TOM1L2: variants seen among roughly 807,000 people sequenced by gnomAD.
The protein encoded by TOM1L2 is target of myb1 like 2 membrane trafficking protein.
Under a neutral mutation model 67.9 loss-of-function variants are expected in TOM1L2, and 31 were observed. That is an observed-to-expected ratio of 0.46 (90% CI 0.34 to 0.62). The LOEUF (loss-of-function observed/expected upper bound fraction) is 0.62, where lower values mean the gene tolerates loss of function less well. Ranked by LOEUF, TOM1L2 falls within the 20% of genes least tolerant of loss-of-function variation. The pLI is 0.01. For synonymous variants in TOM1L2, 256 were observed against 254.0 expected, an observed-to-expected ratio of 1.01 and a Z score of -0.07; for missense variants, 606 against 663.5, an observed-to-expected ratio of 0.91 and a Z score of 0.95.
At chr17:17,884,030 T>C (rs370051264) in intron 5 of TOM1L2, among the ~76,000 whole-genome samples, 5 of 152,172 alleles carry the variant, frequency 3.3e-5, no homozygotes, top group African/African-American at 1.2e-4. Context: ...AACCCTGAAG[T>C]GCCAAGCTGC....
intron 12 of TOM1L2, chr17:17,857,954 G>A (rs1227600930): frequency 1.7e-5 from 18 of 1,081,870 alleles, no homozygotes; most frequent in Admixed American, 8.1e-5. Flanking sequence ...CCTTTGCCAC[G>A]TAAGGAAATG....
chr17:17,910,476 G>A (rs1454417925), intron 1 of TOM1L2, among the ~76,000 whole-genome samples: 2 of 152,164 alleles, frequency 1.3e-5, no homozygotes, highest in Non-Finnish European at 2.9e-5. Flanking sequence ...ACCACCTGGG[G>A]AGCTTCTAGA....
intron 1 of TOM1L2, among the ~76,000 whole-genome samples, chr17:17,907,805 TA>T (rs1366143501): frequency 6.6e-6 from 1 of 152,142 alleles, no homozygotes; most frequent in Non-Finnish European, 1.5e-5. Context: ...AACATGAGGA[TA>T]TTAGGTTTAT....
rs144061121 is a variant in TOM1L2, at chr17:17,862,833, C to T, written c.1100G>A (p.Ser367Asn). 15 of 1,614,096 alleles carry T rather than the reference C, an allele frequency of 9.3e-6. No individual in the cohort carries two copies. Among genetic ancestry groups the T allele is most frequent in the African/African-American group, 1.3e-5 (1 of 75,034 alleles). ...GAGTGAACTGAGGGTGCCACTGACG[C>T]TCTCTGTCCCCAAGTCTGTGGCAAC... ...QLAGLDLGTE[S>N]VSGTLSSLQQ... Residue 367 changes from serine to asparagine, a missense_variant, in exon 11 of 15, where the codon AGC (serine) becomes AAC (asparagine). Transcript: ENST00000379504.
At chr17:17,882,594 T>A in intron 6 of TOM1L2, 111 bp downstream of exon 6, 1 of 1,420,688 alleles carries the variant, frequency 7.0e-7, no homozygotes, top group East Asian at 2.3e-5. Context: ...CATCTCTGTG[T>A]CCCTAACACC....
intron 1 of TOM1L2, among the ~76,000 whole-genome samples, chr17:17,923,639 G>A (rs1408899649): frequency 3.3e-5 from 5 of 151,934 alleles, no homozygotes; most frequent in African/African-American, 1.2e-4. Context: ...ACAGTGAGTC[G>A]TGATCGCACC....
chr17:17,892,852 T>TA (rs1323933516), intron 4 of TOM1L2, among the ~76,000 whole-genome samples: 2 of 152,110 alleles, frequency 1.3e-5, no homozygotes, highest in African/African-American at 4.8e-5. Flanking sequence ...CACATGGTGA[T>TA]AAACTCAGGT....
intron 13 of TOM1L2, 145 bp downstream of exon 13, chr17:17,850,748 G>T: frequency 1.2e-6 from 1 of 825,922 alleles, no homozygotes. Flanking sequence ...GGGGAGGAGG[G>T]GCAGCTATGG....
Position 17,907,455 on chromosome 17 carries a change from C to T in TOM1L2, c.129G>A (p.Thr43=), listed in dbSNP as rs201316492. The T allele has an allele frequency of 4.4e-5, 71 of 1,613,878 alleles. No individual in the cohort carries two copies. Among genetic ancestry groups the T allele is most frequent in the South Asian group, 2.0e-4 (18 of 91,066 alleles). ...NMEICDIINE[T]EEGPKDAIRA... is the part of the protein sequence containing the mutation. ...GAGGGGGGCACACGTACCCTTCCTC[C>T]GTCTCATTGATGATGTCACAGATCT... is the stretch of plus-strand genomic sequence containing the variant. Residue 43 remains threonine, a synonymous_variant, in exon 2 of 15, where the codon ACG becomes ACA. Transcript: ENST00000379504.
At chr17:17,960,943 G>A (rs1175711745) in intron 1 of TOM1L2, among the ~76,000 whole-genome samples, 1 of 152,056 alleles carries the variant, frequency 6.6e-6, no homozygotes, top group Non-Finnish European at 1.5e-5. Context: ...TAGAGAAACT[G>A]GACTTAAAAC....
At chr17:17,851,988 TG>T (rs1342390431) in intron 12 of TOM1L2, among the ~76,000 whole-genome samples, 2 of 152,208 alleles carry the variant, frequency 1.3e-5, no homozygotes, top group African/African-American at 4.8e-5. Context: ...GCCATGTTAA[TG>T]GAATGTTGGC....
intron 4 of TOM1L2, among the ~76,000 whole-genome samples, chr17:17,889,682 T>G (rs1378931540): frequency 2.0e-5 from 3 of 152,192 alleles, no homozygotes; most frequent in Non-Finnish European, 4.4e-5. Context: ...TTCGATCTAC[T>G]TTTCCATAAT....
chr17:17,907,529 T>C lies in TOM1L2; in HGVS notation c.55A>G (p.Lys19Glu). 1.9e-6 allele frequency: 3 copies of C among 1,613,784 alleles called. No homozygotes were observed. Among genetic ancestry groups the C allele is most frequent in the East Asian group, 2.2e-5 (1 of 44,886 alleles). Reference sequence around the variant, plus strand: ...CTTTGCAGGGAGCCATCTGTTGCCTTTTCTGTGAAATCAGAGAGAAAATGG... The same window carrying C: ...CTTTGCAGGGAGCCATCTGTTGCCTCTTCTGTGAAATCAGAGAGAAAATGG... ...FSTPVGQCLE[K>E]ATDGSLQSED... is the part of the protein sequence containing the mutation. Residue 19 changes from lysine (K) to glutamate (E), a missense_variant and splice_region_variant, in exon 2 of 15, where the codon AAG becomes GAG. Lys to Glu is a moderately conservative substitution (Grantham distance 56). Coordinates refer to ENST00000379504, the MANE Select transcript of TOM1L2 (RefSeq NM_001082968.2).
At chr17:17,886,239 T>G (rs904626695) in intron 4 of TOM1L2, among the ~76,000 whole-genome samples, 4 of 152,254 alleles carry the variant, frequency 2.6e-5, no homozygotes, top group Non-Finnish European at 4.4e-5. Context: ...TCCTTAATTA[T>G]GACTGATGCA....
intron 1 of TOM1L2, among the ~76,000 whole-genome samples, chr17:17,919,910 C>G (rs1006817794): frequency 6.6e-6 from 1 of 152,150 alleles, no homozygotes; most frequent in South Asian, 2.1e-4. Context: ...GAAAATGAAG[C>G]CTGGTGGGGT....
chr17:17,927,705 C>T (rs538083740), intron 1 of TOM1L2, among the ~76,000 whole-genome samples: 7 of 149,938 alleles, frequency 4.7e-5, no homozygotes, highest in Admixed American at 4.0e-4. Flanking sequence ...CTCAGTCACT[C>T]AGGCTGGGAA....
intron 1 of TOM1L2, among the ~76,000 whole-genome samples, chr17:17,960,696 G>A (rs1341175608): frequency 6.6e-6 from 1 of 152,084 alleles, no homozygotes; most frequent in Non-Finnish European, 1.5e-5. Flanking sequence ...TGACAGGCCT[G>A]GGTGACACAG....
rs755236976 is a variant in TOM1L2 at position 17,848,874 on chromosome 17, G to T, written c.1339-15C>A. ...TCATCACCCTTCTGTGGGAGGAGCA[G>T]AGAAAATGAAATTAGGGCACTGGTC... On this transcript the variant is annotated splice_polypyrimidine_tract_variant and intron_variant, in intron 13 of 14. Transcript: ENST00000379504. 6 of 1,614,052 alleles carry T rather than the reference G, an allele frequency of 3.7e-6. No homozygotes were observed. In the African/African-American group the frequency reaches 8.0e-5, roughly 22 times the overall value.
In TOM1L2 at chr17:17,847,759, C is replaced by G; in HGVS notation, c.1400G>C (p.Arg467Thr). The G allele has an allele frequency of 5.0e-6, 8 of 1,614,074 alleles. No individual in the cohort carries two copies. Among genetic ancestry groups the G allele is most frequent in the Non-Finnish European group, 6.8e-6 (8 of 1,180,004 alleles). The change falls in exon 15 of 15, where the codon AGA (arginine) becomes ACA (threonine). Residue 467 changes from arginine (R) to threonine (T), a missense_variant. By Grantham distance (71) the Arg-to-Thr change is moderately conservative. Around this residue, in one of 2 missense-constraint regions of TOM1L2, gnomAD observed 543 missense variants for 554.0 expected, o/e 0.98. Coordinates refer to ENST00000379504, the MANE Select transcript of TOM1L2 (RefSeq NM_001082968.2). ...SEEFDKFLEE[R>T]AKAAEMVPDL... ...GGGAACCATTTCAGCAGCTTTGGCT[C>G]TTTCTTCAAGGAATTTATCAAACTC...
Sources: gnomAD v4.1 joint callset for allele counts (sites outside exome capture counted in the v4.1 genomes callset) on GRCh38, gnomAD v4.1.1 for gene constraint, gnomAD v4.1.1 regional missense constraint, MANE v1.5 for transcripts, NCBI Gene and HGNC (gene_info 2026-07-23, HGNC 2026-07-21) for gene names.